Variants in FAM153A observed in about 807,000 individuals in gnomAD.
FAM153A encodes the protein family with sequence similarity 153 member A.
In FAM153A, 12 loss-of-function variants were observed where a neutral mutation model predicts 48.1. That is an observed-to-expected ratio of 0.25 (90% CI 0.16 to 0.40). The LOEUF is 0.40. FAM153A is among the 10% of genes least tolerant of loss of function. FAM153A has a pLI of 1.00. For synonymous variants in FAM153A, 36 were observed against 118.2 expected, an observed-to-expected ratio of 0.30 and a Z score of 4.51; for missense variants, 111 against 345.8, an observed-to-expected ratio of 0.32 and a Z score of 5.38.
In FAM153A at chr5:177,730,597, C is replaced by G. The variant is rs180994657; in HGVS notation, c.862+972G>C. Among the ~76,000 whole-genome samples the G allele has an allele frequency of 1.2e-3, 146 of 121,476 alleles. 13 individuals carry two copies. The highest frequency in any genetic ancestry group is 3.8e-3 in the African/African-American group (138 of 36,090). 79.7% of individuals were successfully genotyped at this position (121,476 alleles called of 152,430 possible). On this transcript the variant is annotated intron_variant, in intron 16 of 20. Coordinates refer to ENST00000614127, the Ensembl canonical transcript of FAM153A. ...ATTGAGACCATCCAATAACGATAGT[C>G]TGTGGGATCTGAATAGGTTTTCATT...
the FAM153A span, among the ~76,000 whole-genome samples, chr5:177,695,820 C>T: frequency 6.6e-6 from 1 of 151,600 alleles, no homozygotes; most frequent in South Asian, 2.1e-4. Flanking sequence ...GGCAGAGGCA[C>T]TCCTCACTCC....
the FAM153A span, among the ~76,000 whole-genome samples, chr5:177,702,911 G>A: frequency 6.6e-6 from 1 of 152,044 alleles, no homozygotes; most frequent in Admixed American, 6.5e-5. Flanking sequence ...AAGCCTCACT[G>A]CCCTAGTAGA....
rs553717248 is a variant in FAM153A, at chr5:177,748,876, G to A, written c.176-177C>T. Among the ~76,000 whole-genome samples, 638 of 136,034 alleles carry A rather than the reference G, an allele frequency of 4.7e-3. 19 individuals are homozygous for A. Among genetic ancestry groups the A allele is most frequent in the African/African-American group, 0.017 (591 of 33,882 alleles). 89.2% of individuals were successfully genotyped at this position (136,034 alleles called of 152,430 possible). On this transcript the variant is annotated intron_variant, in intron 2 of 20. Coordinates refer to ENST00000614127, the Ensembl canonical transcript of FAM153A. ...GAGGGAAGGCAAATGAGACCATCAG[G>A]AAGCCACAGAAGTCAGGACCTGGTT...
At chr5:177,708,574 T>C (rs1000018441), downstream of FAM153A, among the ~76,000 whole-genome samples, 1 of 151,664 alleles carries the variant, frequency 6.6e-6, no homozygotes, top group African/African-American at 2.4e-5. Flanking sequence ...CGAAACTCAG[T>C]CTCAAAATAA....
At chr5:177,731,112 GT>G (rs1199822658) in intron 16 of FAM153A, among the ~76,000 whole-genome samples, 41 of 53,064 alleles carry the variant, frequency 7.7e-4, no homozygotes, top group Non-Finnish European at 1.1e-3. Context: ...AGTTTGTTGG[GT>G]TTTTTTTTTT....
In FAM153A at chr5:177,770,708, A is replaced by C. The variant is rs1769064886; in HGVS notation, c.-57+9741T>G. Among the ~76,000 whole-genome samples, 2 of 96,424 alleles carry C rather than the reference A, an allele frequency of 2.1e-5. 1 individual carries two copies. Among genetic ancestry groups the C allele is most frequent in the African/African-American group, 8.2e-5 (2 of 24,276 alleles). 63.3% of individuals were successfully genotyped at this position (96,424 alleles called of 152,430 possible). A position where few individuals can be genotyped will look rare whatever the true frequency, so the allele number is the denominator to read the frequency against. On this transcript the variant is annotated intron_variant, in intron 1 of 8. Transcript: ENST00000393518. ...ATTTGTCCAAATTCACAGAATGTAC[A>C]GTATTAAGAATGGAGCCTGATGTCA...
the FAM153A span, among the ~76,000 whole-genome samples, chr5:177,702,859 G>T: frequency 2.3e-4 from 35 of 151,998 alleles, no homozygotes; most frequent in South Asian, 6.8e-3. Flanking sequence ...GACTCTGCCT[G>T]TATTTCAGAG....
chr5:177,759,163 G>A (rs1429305495), intron 1 of FAM153A, among the ~76,000 whole-genome samples: 10 of 151,908 alleles, frequency 6.6e-5, no homozygotes, highest in Non-Finnish European at 8.8e-5. Flanking sequence ...CAAAGGATAC[G>A]AAGAGACACT....
At chr5:177,748,901 T>C (rs1766430867) in intron 2 of FAM153A, among the ~76,000 whole-genome samples, 1 of 140,352 alleles carries the variant, frequency 7.1e-6, no homozygotes, top group Non-Finnish European at 1.5e-5. Context: ...AGGACCTGGT[T>C]CTCTGGCTAA....
upstream of FAM153A, chr5:177,782,716 C>G (rs1769806164): frequency 4.3e-5 from 4 of 92,092 alleles, no homozygotes; most frequent in Non-Finnish European, 8.9e-5. Context: ...ACTCAAAATC[C>G]CCGATCCAAA....
chr5:177,700,302 C>T, the FAM153A span, among the ~76,000 whole-genome samples: 1 of 151,850 alleles, frequency 6.6e-6, no homozygotes, highest in Non-Finnish European at 1.5e-5. Context: ...GATGTTCACT[C>T]ATTATTTCTA....
intron 18 of FAM153A, among the ~76,000 whole-genome samples, chr5:177,728,684 T>A (rs370634140): frequency 2.7e-5 from 4 of 148,784 alleles, no homozygotes; most frequent in African/African-American, 1.0e-4. Context: ...TCTCCTGCCT[T>A]GGCCTCCTGA....
At chr5:177,696,028 T>C in the FAM153A span, among the ~76,000 whole-genome samples, 145 of 111,248 alleles carry the variant, frequency 1.3e-3, no homozygotes, top group Non-Finnish European at 1.6e-3. Context: ...ACTTCCTAGA[T>C]GGGGCGGCCG....
chr5:177,759,132 A>G (rs1768050190), intron 1 of FAM153A, among the ~76,000 whole-genome samples: 1 of 151,960 alleles, frequency 6.6e-6, no homozygotes, highest in African/African-American at 2.4e-5. Context: ...CAAGAAAAAA[A>G]CAACCCCATT....
intron 1 of FAM153A, among the ~76,000 whole-genome samples, chr5:177,760,064 G>T (rs1241726662): frequency 6.7e-6 from 1 of 148,784 alleles, no homozygotes; most frequent in African/African-American, 2.5e-5. Context: ...ATTTGGGAAG[G>T]AACACATATT....
upstream of FAM153A, chr5:177,782,954 C>T (rs1235606484): frequency 1.1e-5 from 1 of 94,206 alleles, no homozygotes. Context: ...GGCGCGCGGC[C>T]CACCCCGCCT....
downstream of FAM153A, chr5:177,710,937 A>G (rs1433538274): frequency 4.0e-5 from 6 of 151,712 alleles, no homozygotes; most frequent in East Asian, 3.9e-4. Context: ...GGTGTGAGCC[A>G]CTGCTCCCAG....
chr5:177,754,084 T>C (rs1362619410), upstream of FAM153A, among the ~76,000 whole-genome samples: 2 of 151,722 alleles, frequency 1.3e-5, no homozygotes, highest in Non-Finnish European at 2.9e-5. Flanking sequence ...TTCCCTCCCC[T>C]AGCCAAGGAA....
intron 13 of FAM153A, 123 bp from the exon 16 acceptor site, chr5:177,734,527 C>G: frequency 1.8e-6 from 1 of 549,794 alleles, no homozygotes; most frequent in Admixed American, 3.7e-5. Context: ...CAAAGGAACC[C>G]CAAAGAAGCG....
Sources: gnomAD v4.1 joint callset for allele counts (sites outside exome capture counted in the v4.1 genomes callset) on GRCh38, gnomAD v4.1.1 for gene constraint, MANE v1.5 for transcripts, NCBI Gene and HGNC (gene_info 2026-07-23, HGNC 2026-07-21) for gene names.